LSM4: variants seen among roughly 807,000 people sequenced by gnomAD.
The protein encoded by LSM4 is U6 snRNA-associated Sm-like protein LSm4.
A neutral mutation model predicts 22.3 loss-of-function variants in LSM4; 15 were observed. The ratio of observed to expected loss-of-function variants is 0.67; its 90% CI spans 0.45 to 1.03. The LOEUF is 1.03. Ranked by LOEUF, LSM4 falls within the 50% of genes least tolerant of loss-of-function variation. LSM4 has a pLI of 0.00. For missense variants in LSM4, 127 were observed against 198.0 expected, an observed-to-expected ratio of 0.64 and a Z score of 2.15; for synonymous variants, 90 against 79.8, an observed-to-expected ratio of 1.13 and a Z score of -0.68.
chr19:18,315,954 C>A, intron 2 of LSM4, 70 bp downstream of exon 2: 2 of 1,493,162 alleles, frequency 1.3e-6, no homozygotes, highest in African/African-American at 1.4e-5. Context: ...AAGCCGTCTG[C>A]TCAGCCACCG....
At position 18,323,023 on chromosome 19, in the gene LSM4, T is replaced by C; in HGVS notation, c.-3A>G. On this transcript the variant is annotated 5_prime_UTR_variant, in exon 1 of 5. Transcript: ENST00000593829. ...CGCAGTTGCCCTGCCCTCACCATGG[T>C]GCCGGCGGGGACCGGGCTCGCCGGC... The C allele has an allele frequency of 6.4e-7, 1 of 1,566,186 alleles. No homozygotes were observed. Among genetic ancestry groups the C allele is most frequent in the African/African-American group, 1.4e-5 (1 of 70,912 alleles).
chr19:18,319,079 C>T (rs1970392201), intron 1 of LSM4, among the ~76,000 whole-genome samples: 1 of 151,990 alleles, frequency 6.6e-6, no homozygotes, highest in Admixed American at 6.6e-5. Context: ...CCCACCTCTA[C>T]TAAAATACAA....
At chr19:18,309,970 C>G in intron 3 of LSM4, 109 bp from the exon 4 acceptor site, 1 of 1,009,518 alleles carries the variant, frequency 9.9e-7, no homozygotes, top group Admixed American at 2.5e-5. Flanking sequence ...CGTACCACCC[C>G]TGCAAGCTGC....
At chr19:18,315,933 G>A (rs1970350185) in intron 2 of LSM4, 91 bp downstream of exon 2, 1 of 1,184,636 alleles carries the variant, frequency 8.4e-7, no homozygotes, top group Non-Finnish European at 1.2e-6. Flanking sequence ...CTGGTGGACA[G>A]GCAGGCCAGG....
chr19:18,314,175 A>G (rs1417514475), intron 2 of LSM4, among the ~76,000 whole-genome samples: 1 of 152,266 alleles, frequency 6.6e-6, no homozygotes, highest in East Asian at 1.9e-4. Context: ...TCACAGTGAC[A>G]CTGTTCGCAA....
At chr19:18,309,063 G>T (rs1434562789) in intron 4 of LSM4, among the ~76,000 whole-genome samples, 1 of 149,568 alleles carries the variant, frequency 6.7e-6, no homozygotes, top group Non-Finnish European at 1.5e-5. Flanking sequence ...TACTATCCCT[G>T]CCCCTCCCTC....
intron 3 of LSM4, among the ~76,000 whole-genome samples, chr19:18,311,991 G>C (rs1351028606): frequency 1.3e-5 from 2 of 152,162 alleles, no homozygotes; most frequent in Non-Finnish European, 2.9e-5. Flanking sequence ...AGGAGTCCAA[G>C]GGAGCCGCTG....
chr19:18,307,635 G>A (rs1020124129), intron 4 of LSM4, 80 bp from the exon 5 acceptor site: 16 of 1,063,842 alleles, frequency 1.5e-5, no homozygotes, highest in Admixed American at 3.5e-5. Context: ...TGAAACTCTA[G>A]GCCAGGTCAC....
chr19:18,315,284 G>A (rs1970342715), intron 2 of LSM4, among the ~76,000 whole-genome samples: 1 of 151,990 alleles, frequency 6.6e-6, no homozygotes, highest in Non-Finnish European at 1.5e-5. Context: ...CAACTAACTG[G>A]AACTACAGGT....
intron 1 of LSM4, 61 bp downstream of exon 1, chr19:18,322,957 G>A: frequency 1.3e-6 from 2 of 1,583,930 alleles, no homozygotes; most frequent in South Asian, 1.1e-5. Flanking sequence ...CCCGCCCGCA[G>A]GGATCCCAAC....
chr19:18,322,879 C>A, intron 1 of LSM4, 139 bp downstream of exon 1: 4 of 1,300,010 alleles, frequency 3.1e-6, no homozygotes, highest in Non-Finnish European at 4.3e-6. Context: ...GTTTCCCAGC[C>A]TCGTGCCGGG....
In LSM4 at chr19:18,307,564, C is replaced by CAG; in HGVS notation, c.329-11_329-10dup. ...CCGGCCACCAAACACACCTAGAGGA[C>CAG]AGAGAGAGGGCGCTGCAGCAGAGCC... On this transcript the variant is annotated splice_polypyrimidine_tract_variant and intron_variant, in intron 4 of 4. Coordinates refer to ENST00000593829, the MANE Select transcript of LSM4 (RefSeq NM_012321.5). 1 of 1,502,152 alleles carries CAG rather than the reference C, an allele frequency of 6.7e-7. No individual in the cohort carries two copies. Among genetic ancestry groups the CAG allele is most frequent in the Middle Eastern group, 1.7e-4 (1 of 5,826 alleles). 93.1% of individuals were successfully genotyped at this position (1,502,152 alleles called of 1,614,324 possible). A position where few individuals can be genotyped will look rare whatever the true frequency, so the allele number is the denominator to read the frequency against.
At chr19:18,315,943 G>A (rs898583901) in intron 2 of LSM4, 81 bp downstream of exon 2, 2 of 1,345,998 alleles carry the variant, frequency 1.5e-6, no homozygotes, top group Admixed American at 3.5e-5. Flanking sequence ...GGCAGGCCAG[G>A]AAGCCGTCTG....
In LSM4 at chr19:18,310,169, C is replaced by G. The variant is rs1214266068; in HGVS notation, c.145-308G>C. On this transcript the variant is annotated intron_variant, in intron 3 of 4. Transcript: ENST00000593829. ...CTGGCTCAGGAGTGGCTGACTGGGG[C>G]TCCCTCCAGCCTGGGATGGGGCTCT... 1.3e-5 allele frequency: 5 copies of G among 383,174 alleles called. No homozygotes were observed. The South Asian group carries it at 2.0e-4, about 15-fold the overall frequency. The allele number at this position is 383,174 out of a possible 1,614,324, so 23.7% of individuals were successfully genotyped here. A position where few individuals can be genotyped will look rare whatever the true frequency, so the allele number is the denominator to read the frequency against.
chr19:18,311,848 C>G (rs1338790399), intron 3 of LSM4, among the ~76,000 whole-genome samples: 3 of 152,194 alleles, frequency 2.0e-5, no homozygotes, highest in African/African-American at 7.2e-5. Flanking sequence ...GCGCCTCCCC[C>G]CTCGAGCCCT....
chr19:18,309,688 G>C lies in LSM4; in HGVS notation c.318C>G (p.Gly106=), dbSNP rs765738686. Residue 106 remains glycine, a synonymous_variant, in exon 4 of 5, where the codon GGC becomes GGG. Coordinates refer to ENST00000593829, the MANE Select transcript of LSM4 (RefSeq NM_012321.5). The part of the protein sequence containing the change: ...QKQQKGRGMG[G]AGRGVFGGRG... ...AGAGGGGAGACCCACCTCGGCCAGC[G>C]CCGCCCATGCCGCGGCCTTTCTGCT... is the stretch of plus-strand genomic sequence containing the variant. 1 of 1,604,694 alleles carries C rather than the reference G, an allele frequency of 6.2e-7. No homozygotes were observed.
Position 18,312,616 on chromosome 19 carries a change from G to C in LSM4, c.132C>G (p.Ile44Met). 1 of 1,613,894 alleles carries C rather than the reference G, an allele frequency of 6.2e-7. No individual in the cohort carries two copies. Among genetic ancestry groups the C allele is most frequent in the Non-Finnish European group, 8.5e-7 (1 of 1,179,820 alleles). Residue 44 changes from isoleucine (I) to methionine (M), a missense_variant, in exon 3 of 5, where the codon ATC becomes ATG. Transcript: ENST00000593829. ...GTGCAGCACCCACCCTGGACGTGCA[G>C]ATGACTTCTCGCAGGTTAATGTTCA... ...NWMNINLREV[I>M]CTSRDGDKFW... is the part of the protein sequence containing the mutation.
At chr19:18,322,936 A>C in intron 1 of LSM4, 82 bp downstream of exon 1, 1 of 1,561,380 alleles carries the variant, frequency 6.4e-7, no homozygotes, top group Non-Finnish European at 8.7e-7. Context: ...GCGCCAACCA[A>C]GCCCACAGCG....
In LSM4 at chr19:18,321,865, C is replaced by T. The variant is rs116143007; in HGVS notation, c.3+1153G>A. 3.2e-3 allele frequency among the ~76,000 whole-genome samples: 492 copies of T among 152,208 alleles called. 1 individual carries two copies. The highest frequency in any genetic ancestry group is 0.011 in the African/African-American group (470 of 41,516). ...ACACTCCCGTCGATGACTCCATCGACCTCAGGAAGCTCCAACCAATCAGCA... is the reference window on the plus strand; with the variant it reads ...ACACTCCCGTCGATGACTCCATCGATCTCAGGAAGCTCCAACCAATCAGCA... On this transcript the variant is annotated intron_variant, in intron 1 of 4. Transcript: ENST00000593829.
Sources: gnomAD v4.1 joint callset for allele counts (sites outside exome capture counted in the v4.1 genomes callset) on GRCh38, gnomAD v4.1.1 for gene constraint, MANE v1.5 for transcripts, NCBI Gene and HGNC (gene_info 2026-07-23, HGNC 2026-07-21) for gene names.